CSNK1G1: variants seen among roughly 807,000 people sequenced by gnomAD.
CSNK1G1 encodes the protein casein kinase I isoform gamma-1.
A neutral mutation model predicts 59.6 loss-of-function variants in CSNK1G1; 22 were observed. The observed-to-expected ratio is 0.37, with a 90% CI of 0.26 to 0.53. The LOEUF (loss-of-function observed/expected upper bound fraction) is 0.53, where lower values mean the gene tolerates loss of function less well. Among genes scored for constraint, CSNK1G1 ranks in the 20% least tolerant of loss-of-function variants. The pLI is 0.89. For synonymous variants in CSNK1G1, 179 were observed against 177.1 expected (o/e 1.01, Z -0.08); for missense variants, 384 against 519.5 (o/e 0.74, Z 2.54).
rs937040844 is a variant in CSNK1G1, at chr15:64,171,663, G to A, written c.*268C>T. The A allele has an allele frequency of 2.3e-5, 12 of 533,236 alleles. No homozygotes were observed. Among genetic ancestry groups the A allele is most frequent in the Non-Finnish European group, 4.0e-5 (12 of 297,274 alleles). 33.0% of individuals were successfully genotyped at this position (533,236 alleles called of 1,614,324 possible). A position where few individuals can be genotyped will look rare whatever the true frequency, so the allele number is the denominator to read the frequency against. On this transcript the variant is annotated 3_prime_UTR_variant, in exon 12 of 12. Transcript: ENST00000303052. The surrounding 1 kb of genome is among the most constrained non-coding windows in gnomAD (Gnocchi z 4.8). ...CACCTTCACTGTAAACAATGGGAAGGAGAGTCAACCAGGCAGCCCTATGGG... is the reference window on the plus strand; with the variant it reads ...CACCTTCACTGTAAACAATGGGAAGAAGAGTCAACCAGGCAGCCCTATGGG...
intron 3 of CSNK1G1, among the ~76,000 whole-genome samples, chr15:64,252,376 A>G (rs1407844747): frequency 6.6e-6 from 1 of 151,932 alleles, no homozygotes; most frequent in East Asian, 1.9e-4. Context: ...ACTCACAGCT[A>G]ATTTTTAATT....
chr15:64,205,495 T>C (rs527726117), intron 7 of CSNK1G1, among the ~76,000 whole-genome samples: 13 of 152,336 alleles, frequency 8.5e-5, no homozygotes, highest in Admixed American at 5.9e-4. Context: ...AGGTTTGGTG[T>C]ATGTCAGTAA....
At chr15:64,217,573 A>C (rs1371418874) in intron 4 of CSNK1G1, among the ~76,000 whole-genome samples, 1 of 152,164 alleles carries the variant, frequency 6.6e-6, no homozygotes, top group African/African-American at 2.4e-5. Context: ...TAAGTCCAGC[A>C]CTTTGGGAGG....
intron 2 of CSNK1G1, among the ~76,000 whole-genome samples, chr15:64,264,599 T>G (rs537120993): frequency 6.6e-6 from 1 of 152,330 alleles, no homozygotes; most frequent in South Asian, 2.1e-4. Flanking sequence ...ATATCCCTGA[T>G]GAAAACAGAG....
chr15:64,306,144 AACTTC>A (rs1294875447), intron 1 of CSNK1G1, among the ~76,000 whole-genome samples: 2 of 152,248 alleles, frequency 1.3e-5, no homozygotes, highest in Non-Finnish European at 2.9e-5. Flanking sequence ...TGTTAAGTTT[AACTTC>A]ACTAAAACTA....
chr15:64,275,497 T>C (rs1893558507), intron 2 of CSNK1G1, among the ~76,000 whole-genome samples: 8 of 152,236 alleles, frequency 5.3e-5, no homozygotes. Context: ...GATTAGTAGT[T>C]AAGGCAAGAA....
At chr15:64,175,701 AAACAAC>A (rs1038568761) in intron 11 of CSNK1G1, among the ~76,000 whole-genome samples, 1 of 152,184 alleles carries the variant, frequency 6.6e-6, no homozygotes, top group African/African-American at 2.4e-5. Context: ...ACAACTCTCA[AAACAAC>A]AACAACAAAA....
intron 4 of CSNK1G1, among the ~76,000 whole-genome samples, chr15:64,250,685 C>G (rs1892026467): frequency 6.6e-6 from 1 of 151,984 alleles, no homozygotes; most frequent in African/African-American, 2.4e-5. Flanking sequence ...GCCCAGGCTG[C>G]AGTGAGCCGT....
At chr15:64,286,763 A>T (rs1434766709) in intron 2 of CSNK1G1, among the ~76,000 whole-genome samples, 1 of 152,182 alleles carries the variant, frequency 6.6e-6, no homozygotes, top group Non-Finnish European at 1.5e-5. Flanking sequence ...CATAGTGTTT[A>T]TAACATCCTC....
Position 64,180,432 on chromosome 15 carries a change from T to C in CSNK1G1, c.1130A>G (p.Glu377Gly). The C allele has an allele frequency of 6.2e-7, 1 of 1,613,954 alleles. No homozygotes were observed. The highest frequency in any genetic ancestry group is 8.5e-7 in the Non-Finnish European group (1 of 1,179,914). The change falls in exon 11 of 12, where the codon GAG becomes GGG. Residue 377 changes from glutamate to glycine, a missense_variant. By Grantham distance (98) the Glu-to-Gly change is moderately conservative. Around this residue, in one of 3 missense-constraint regions of CSNK1G1, gnomAD observed 325 missense variants for 440.9 expected, o/e 0.74. Transcript: ENST00000303052. Reference sequence around the variant, plus strand: ...TCCCGTGGGATCATCAACATTCAGCTCTCCATTGGTTGAGCTAACCACCTG... The same window carrying C: ...TCCCGTGGGATCATCAACATTCAGCCCTCCATTGGTTGAGCTAACCACCTG... ...RNQVVSSTNG[E>G]LNVDDPTGAH...
At chr15:64,333,852 A>C (rs1897244745) in intron 1 of CSNK1G1, among the ~76,000 whole-genome samples, 1 of 152,218 alleles carries the variant, frequency 6.6e-6, no homozygotes, top group African/African-American at 2.4e-5. Flanking sequence ...AAGATTTTAC[A>C]ATCTTAAACA....
intron 2 of CSNK1G1, among the ~76,000 whole-genome samples, chr15:64,274,935 G>A (rs1162838671): frequency 6.6e-6 from 1 of 152,132 alleles, no homozygotes; most frequent in Non-Finnish European, 1.5e-5. Flanking sequence ...ATGAACTTGA[G>A]GCAATTAGTA....
chr15:64,342,498 T>G (rs993602292), intron 1 of CSNK1G1: 5 of 152,236 alleles, frequency 3.3e-5, no homozygotes, highest in Non-Finnish European at 4.4e-5. Flanking sequence ...TTCATTCATA[T>G]CTTTTAGTAA....
intron 2 of CSNK1G1, among the ~76,000 whole-genome samples, chr15:64,280,318 T>C (rs985733287): frequency 1.3e-5 from 2 of 151,884 alleles, no homozygotes; most frequent in South Asian, 2.1e-4. Flanking sequence ...TGAGCTGATA[T>C]AACAATCGTC....
At chr15:64,222,729 G>A (rs368098869) in intron 4 of CSNK1G1, among the ~76,000 whole-genome samples, 2 of 150,536 alleles carry the variant, frequency 1.3e-5, no homozygotes, top group Middle Eastern at 3.5e-3. Flanking sequence ...TACCTACTGA[G>A]TCAGAATTTC....
At chr15:64,278,432 A>ATTTTT (rs774402095) in intron 2 of CSNK1G1, among the ~76,000 whole-genome samples, 12 of 127,956 alleles carry the variant, frequency 9.4e-5, no homozygotes, top group African/African-American at 2.0e-4. Flanking sequence ...ATATATATAT[A>ATTTTT]TTTTTTTTTT....
At chr15:64,232,082 G>A (rs891182505) in intron 4 of CSNK1G1, among the ~76,000 whole-genome samples, 20 of 152,096 alleles carry the variant, frequency 1.3e-4, no homozygotes, top group African/African-American at 4.8e-4. Flanking sequence ...CCTACAGGCT[G>A]GCTTTAAGGC....
At chr15:64,206,502 G>C (rs183483450) in intron 7 of CSNK1G1, among the ~76,000 whole-genome samples, 42 of 140,028 alleles carry the variant, frequency 3.0e-4, no homozygotes, top group African/African-American at 1.1e-3. Context: ...AGCTATTCAA[G>C]AGGCTGAGGT....
intron 5 of CSNK1G1, among the ~76,000 whole-genome samples, chr15:64,215,098 G>A (rs1020411340): frequency 1.3e-5 from 2 of 151,930 alleles, no homozygotes; most frequent in African/African-American, 4.8e-5. Flanking sequence ...ACCATGCCTG[G>A]CCAGGGCTAT....
Sources: gnomAD v4.1 joint callset for allele counts (sites outside exome capture counted in the v4.1 genomes callset) on GRCh38, gnomAD v4.1.1 for gene constraint, gnomAD v4.1.1 regional missense constraint, Gnocchi (gnomAD v3.1) non-coding constraint, MANE v1.5 for transcripts, NCBI Gene and HGNC (gene_info 2026-07-23, HGNC 2026-07-21) for gene names.